Variants in CDH23 observed in about 807,000 individuals in gnomAD.
CDH23 encodes cadherin related 23, also known as cadherin-23.
Under a neutral mutation model 317.1 loss-of-function variants are expected in CDH23, and 189 were observed. The ratio of observed to expected loss-of-function variants is 0.60; its 90% CI spans 0.53 to 0.67. The LOEUF is 0.67. Ranked by LOEUF, CDH23 falls within the 30% of genes least tolerant of loss-of-function variation. The pLI, the probability that CDH23 is intolerant of heterozygous loss-of-function variation, is 0.00. For synonymous variants in CDH23, 1,839 were observed against 1,876.8 expected (o/e 0.98, Z 0.52); for missense variants, 4,401 against 4,592.4 (o/e 0.96, Z 1.20).
Position 71,677,699 on chromosome 10 carries a change from G to A in CDH23, c.1752+6G>A, listed in dbSNP as rs369013539. ...CACAGCTGGTGCGGCTCCGGGTAAG[G>A]TGCCAGGGAGCCCTGCACTCCTGCC... On this transcript the variant is annotated splice_donor_region_variant and intron_variant, in intron 16 of 69. Transcript: ENST00000224721. 167 of 1,550,776 alleles carry A rather than the reference G, an allele frequency of 1.1e-4. No individual in the cohort carries two copies. In the African/African-American group the frequency reaches 2.0e-3, roughly 19 times the overall value.
In CDH23 at chr10:71,802,984, G is replaced by A. The variant is rs533989797; in HGVS notation, c.7569G>A (p.Pro2523=). 4.6e-5 allele frequency: 74 copies of A among 1,614,016 alleles called. No individual in the cohort carries two copies. The highest frequency in any genetic ancestry group is 1.8e-4 in the East Asian group (8 of 44,888). The part of the protein sequence containing the change: ...QFSTSVYENE[P]AGTSVITMMA... The stretch of plus-strand genomic sequence containing the variant: ...GCACAAGCGTGTATGAGAATGAGCC[G>A]GCGGGCACCTCGGTCATCACCATGA... Residue 2523 remains proline (P), a synonymous_variant, in exon 54 of 70, where the codon CCG becomes CCA. Transcript: ENST00000224721.
At chr10:71,649,596 G>T (rs1420171614) in intron 14 of CDH23, among the ~76,000 whole-genome samples, 2 of 152,178 alleles carry the variant, frequency 1.3e-5, no homozygotes, top group African/African-American at 4.8e-5. Flanking sequence ...ATGGCCCCCA[G>T]TTACAGCAAA....
intron 3 of CDH23, among the ~76,000 whole-genome samples, chr10:71,483,940 T>C (rs1852206449): frequency 6.6e-6 from 1 of 152,162 alleles, no homozygotes; most frequent in Admixed American, 6.5e-5. Flanking sequence ...ATGCACATTT[T>C]TACATCCTTG....
chr10:71,745,814 C>T (rs915059801), intron 38 of CDH23, among the ~76,000 whole-genome samples: 2 of 152,218 alleles, frequency 1.3e-5, no homozygotes, highest in Non-Finnish European at 2.9e-5. Flanking sequence ...AGCATGCAGC[C>T]AACCACCCTG....
At chr10:71,688,273 T>C (rs1864988336) in intron 19 of CDH23, among the ~76,000 whole-genome samples, 1 of 152,218 alleles carries the variant, frequency 6.6e-6, no homozygotes, top group South Asian at 2.1e-4. Flanking sequence ...GCTTCGCCCT[T>C]ACCCTCAGAG....
intron 17 of CDH23, 34 bp downstream of exon 17, chr10:71,679,526 G>A: frequency 1.3e-6 from 2 of 1,508,520 alleles, no homozygotes; most frequent in South Asian, 1.2e-5. Context: ...GCCCAGCCAG[G>A]AGGAGGGCTG....
intron 19 of CDH23, among the ~76,000 whole-genome samples, chr10:71,688,990 G>GGGGTGGT: frequency 2.5e-5 from 1 of 40,084 alleles, no homozygotes; most frequent in Non-Finnish European, 6.1e-5. Flanking sequence ...GGTGGAGTCA[G>GGGGTGGT]GGATGGTGGA....
chr10:71,609,459 C>T (rs1860729880), intron 9 of CDH23, among the ~76,000 whole-genome samples: 2 of 152,206 alleles, frequency 1.3e-5, no homozygotes, highest in South Asian at 4.1e-4. Flanking sequence ...ACATCCCTGC[C>T]CCACCGTCCC....
intron 43 of CDH23, 51 bp from the exon 44 acceptor site, chr10:71,785,580 T>C (rs1841080758): frequency 1.6e-6 from 2 of 1,242,350 alleles, no homozygotes; most frequent in Non-Finnish European, 1.2e-6. Flanking sequence ...TGGGCCAAAG[T>C]AGAAAGCAGG....
chr10:71,609,951 C>CGTGTGTGTGTGTGT (rs34311857), intron 9 of CDH23, among the ~76,000 whole-genome samples: 9 of 142,772 alleles, frequency 6.3e-5, no homozygotes, highest in Non-Finnish European at 1.4e-4. Flanking sequence ...AGGACTCCCC[C>CGTGTGTGTGTGTGT]GTGTGTGTGT....
At chr10:71,578,334 ACCT>A (rs1202654202) in intron 9 of CDH23, among the ~76,000 whole-genome samples, 1 of 151,924 alleles carries the variant, frequency 6.6e-6, no homozygotes, top group African/African-American at 2.4e-5. Context: ...CTCCTATCTA[ACCT>A]CCTGCAGCGC....
chr10:71,493,346 T>C (rs959555966), intron 3 of CDH23, among the ~76,000 whole-genome samples: 2 of 152,108 alleles, frequency 1.3e-5, no homozygotes, highest in Admixed American at 1.3e-4. Flanking sequence ...AGAAATCATC[T>C]AGGCAGTGTT....
At chr10:71,755,109 T>A (rs1223901562) in intron 38 of CDH23, 1 of 637,898 alleles carries the variant, frequency 1.6e-6, no homozygotes, top group Non-Finnish European at 2.9e-6. Context: ...TCAGAAGACA[T>A]GTATTGAGTG....
chr10:71,542,963 A>G (rs1564642838), intron 6 of CDH23, among the ~76,000 whole-genome samples: 1 of 152,370 alleles, frequency 6.6e-6, no homozygotes, highest in African/African-American at 2.4e-5. Context: ...GACAACCACC[A>G]AAAAGGGGAA....
chr10:71,791,110 G>A, intron 46 of CDH23, 22 bp from the exon 47 acceptor site: 1 of 1,585,718 alleles, frequency 6.3e-7, no homozygotes, highest in Non-Finnish European at 8.6e-7. Context: ...GTGTTTCCCT[G>A]GCTGGCGGCA....
intron 20 of CDH23, among the ~76,000 whole-genome samples, chr10:71,691,802 G>T (rs188012881): frequency 9.2e-5 from 14 of 152,300 alleles, no homozygotes; most frequent in African/African-American, 2.4e-4. Context: ...TGGCCAGCAG[G>T]GCATCAGCTC....
At chr10:71,730,391 C>A in intron 30 of CDH23, 78 bp from the exon 31 acceptor site, 1 of 1,540,990 alleles carries the variant, frequency 6.5e-7, no homozygotes, top group Non-Finnish European at 8.8e-7. Flanking sequence ...CCACACAAGG[C>A]GGCCACAGTG....
chr10:71,774,045 GCGCGCGCACACACACA>G (rs1564787139), intron 38 of CDH23, among the ~76,000 whole-genome samples: 1 of 42,760 alleles, frequency 2.3e-5, no homozygotes, highest in African/African-American at 6.3e-5. Flanking sequence ...GAGTGCATGC[GCGCGCGCACACACACA>G]CACACACACA....
At chr10:71,530,321 C>A (rs1452956928) in intron 6 of CDH23, among the ~76,000 whole-genome samples, 1 of 152,234 alleles carries the variant, frequency 6.6e-6, no homozygotes, top group African/African-American at 2.4e-5. Context: ...CCGGCTCTGT[C>A]TGGCCAGCTC....
Sources: gnomAD v4.1 joint callset for allele counts (sites outside exome capture counted in the v4.1 genomes callset) on GRCh38, gnomAD v4.1.1 for gene constraint, MANE v1.5 for transcripts, NCBI Gene and HGNC (gene_info 2026-07-23, HGNC 2026-07-21) for gene names.